Variants in LRFN5 observed in about 807,000 individuals in gnomAD.
LRFN5 encodes the protein leucine-rich repeat and fibronectin type-III domain-containing protein 5.
LRFN5 carries 24 observed loss-of-function variants against 45.6 expected under a neutral mutation model. The observed-to-expected ratio is 0.53, with a 90% confidence interval of 0.38 to 0.74. The LOEUF (loss-of-function observed/expected upper bound fraction) is 0.74, where lower values mean the gene tolerates loss of function less well. Ranked by LOEUF, LRFN5 falls within the 30% of genes least tolerant of loss-of-function variation. The pLI, the probability that LRFN5 is intolerant of heterozygous loss-of-function variation, is 0.00. For missense variants in LRFN5, 776 were observed against 861.5 expected (o/e 0.90, Z 1.24); for synonymous variants, 340 against 313.8 (o/e 1.08, Z -0.88).
At chr14:41,821,040 A>G (rs956636420) in intron 2 of LRFN5, among the ~76,000 whole-genome samples, 9 of 152,150 alleles carry the variant, frequency 5.9e-5, no homozygotes, top group Admixed American at 5.2e-4. Flanking sequence ...CAAGGTATAC[A>G]ATTATATCAT....
chr14:41,705,866 ATG>A (rs1491264778), intron 1 of LRFN5, among the ~76,000 whole-genome samples: 3 of 90,394 alleles, frequency 3.3e-5, no homozygotes, highest in Non-Finnish European at 5.5e-5. Context: ...TCACTTACAC[ATG>A]TGTTATCACT....
At chr14:41,770,615 G>C (rs773256495) in intron 2 of LRFN5, among the ~76,000 whole-genome samples, 1 of 152,190 alleles carries the variant, frequency 6.6e-6, no homozygotes, top group African/African-American at 2.4e-5. Context: ...TCGACTTCAT[G>C]TTCCACAGCA....
At chr14:41,676,052 C>G (rs1437455181) in intron 1 of LRFN5, among the ~76,000 whole-genome samples, 3 of 152,190 alleles carry the variant, frequency 2.0e-5, no homozygotes, top group Non-Finnish European at 4.4e-5. Flanking sequence ...TCCCTACATC[C>G]AGTCTGGGGC....
chr14:41,814,450 A>G (rs996589028), intron 2 of LRFN5, among the ~76,000 whole-genome samples: 20 of 152,138 alleles, frequency 1.3e-4, no homozygotes, highest in Admixed American at 1.0e-3. Context: ...TGTGTACCCT[A>G]TTTACAAAGA....
chr14:41,779,500 A>G (rs1483535824), intron 2 of LRFN5, among the ~76,000 whole-genome samples: 2 of 151,916 alleles, frequency 1.3e-5, no homozygotes, highest in African/African-American at 4.8e-5. Context: ...GAATGAGTTA[A>G]GAAGCATACA....
intron 1 of LRFN5, among the ~76,000 whole-genome samples, chr14:41,725,222 T>C (rs990107230): frequency 4.6e-5 from 7 of 152,206 alleles, no homozygotes; most frequent in Non-Finnish European, 1.0e-4. Flanking sequence ...TTAAAAATGT[T>C]GCTATCATCC....
chr14:41,613,524 T>A (rs1253279565), intron 1 of LRFN5, among the ~76,000 whole-genome samples: 1 of 151,992 alleles, frequency 6.6e-6, no homozygotes, highest in East Asian at 1.9e-4. Context: ...ATATATAATT[T>A]ATTGCTCTAA....
chr14:41,844,233 C>G (rs367974851), intron 2 of LRFN5, among the ~76,000 whole-genome samples: 35 of 152,060 alleles, frequency 2.3e-4, no homozygotes, highest in South Asian at 1.7e-3. Flanking sequence ...GTCAGGAGAT[C>G]GAGACCATCC....
chr14:41,853,264 C>G (rs1419513399), intron 2 of LRFN5, among the ~76,000 whole-genome samples: 1 of 151,920 alleles, frequency 6.6e-6, no homozygotes, highest in Non-Finnish European at 1.5e-5. Context: ...CAAGTGCCAC[C>G]TTAGAGCTAA....
chr14:41,694,821 A>G (rs1467784248), intron 1 of LRFN5, among the ~76,000 whole-genome samples: 1 of 151,962 alleles, frequency 6.6e-6, no homozygotes, highest in African/African-American at 2.4e-5. Flanking sequence ...TGGGGGACCA[A>G]AAAACATTCC....
At chr14:41,862,830 C>A (rs1889709707) in intron 2 of LRFN5, among the ~76,000 whole-genome samples, 1 of 148,906 alleles carries the variant, frequency 6.7e-6, no homozygotes, top group African/African-American at 2.5e-5. Flanking sequence ...TTTTAATAAT[C>A]ACTTTTCATG....
At chr14:41,619,233 A>G (rs2138554138) in intron 1 of LRFN5, among the ~76,000 whole-genome samples, 1 of 152,228 alleles carries the variant, frequency 6.6e-6, no homozygotes, top group Middle Eastern at 3.4e-3. Flanking sequence ...TTGCACAATT[A>G]CTTTATTCTG....
chr14:41,689,746 T>A (rs377451548), intron 1 of LRFN5, among the ~76,000 whole-genome samples: 447 of 150,524 alleles, frequency 3.0e-3, no homozygotes, highest in African/African-American at 9.9e-3. Flanking sequence ...TACAAAAAAA[T>A]TAGCCGGGCG....
chr14:41,657,790 G>T (rs944755263), intron 1 of LRFN5, among the ~76,000 whole-genome samples: 1 of 151,752 alleles, frequency 6.6e-6, no homozygotes, highest in Non-Finnish European at 1.5e-5. Context: ...CTTTGTCAAG[G>T]GCATCCTGTG....
rs562556827 is a variant in LRFN5, at chr14:41,870,430, G to A, written c.-20-16176G>A. On this transcript the variant is annotated intron_variant, in intron 2 of 5. Transcript: ENST00000298119. ...GTTTAATTGACTCACAGTTCCACACGGCTAGGGAGGCCTCATAATCACGGC... is the reference window on the plus strand; with the variant it reads ...GTTTAATTGACTCACAGTTCCACACAGCTAGGGAGGCCTCATAATCACGGC... Among the ~76,000 whole-genome samples the A allele has an allele frequency of 4.6e-5, 7 of 152,244 alleles. No homozygotes were observed. In the East Asian group the frequency reaches 7.7e-4, roughly 17 times the overall value.
intron 1 of LRFN5, among the ~76,000 whole-genome samples, chr14:41,720,428 T>C (rs568639831): frequency 6.6e-6 from 1 of 152,106 alleles, no homozygotes; most frequent in African/African-American, 2.4e-5. Flanking sequence ...AGCAGAATGA[T>C]GTATTTCCCT....
intron 1 of LRFN5, among the ~76,000 whole-genome samples, chr14:41,690,852 G>A (rs148878418): frequency 1.6e-4 from 24 of 151,946 alleles, no homozygotes; most frequent in African/African-American, 4.8e-4. Flanking sequence ...ATCAAACTTC[G>A]TAAGTTTTAT....
At chr14:41,893,338 T>G (rs74514536) in intron 4 of LRFN5, 24,606 of 961,464 alleles carry the variant, frequency 0.026, 365 homozygotes, top group Non-Finnish European at 0.029. Context: ...TATATAATAA[T>G]TTGATGGTGT....
intron 1 of LRFN5, among the ~76,000 whole-genome samples, chr14:41,749,517 G>A (rs559053452): frequency 1.3e-5 from 2 of 152,078 alleles, no homozygotes; most frequent in African/African-American, 4.8e-5. Context: ...TCTTTTGCGG[G>A]AACATGGAAG....
Sources: gnomAD v4.1 joint callset for allele counts (sites outside exome capture counted in the v4.1 genomes callset) on GRCh38, gnomAD v4.1.1 for gene constraint, MANE v1.5 for transcripts, NCBI Gene and HGNC (gene_info 2026-07-23, HGNC 2026-07-21) for gene names.